The following GNE variants were observed in gnomAD, a reference collection of about 807,000 sequenced individuals.
GNE encodes glucosamine (UDP-N-acetyl)-2-epimerase/N-acetylmannosamine kinase, also known as bifunctional UDP-N-acetylglucosamine 2-epimerase/N-acetylmannosamine kinase.
GNE carries 41 observed loss-of-function variants against 61.8 expected under a neutral mutation model. The observed-to-expected ratio is 0.66, with a 90% CI of 0.52 to 0.86. The LOEUF (loss-of-function observed/expected upper bound fraction) is 0.86, where lower values mean the gene tolerates loss of function less well. Ranked by LOEUF, GNE falls within the 40% of genes least tolerant of loss-of-function variation. The pLI, the probability that GNE is intolerant of heterozygous loss-of-function variation, is 0.00. For synonymous variants in GNE, 264 were observed against 326.4 expected, an observed-to-expected ratio of 0.81 and a Z score of 2.06; for missense variants, 608 against 909.1, an observed-to-expected ratio of 0.67 and a Z score of 4.26.
chr9:36,269,268 C>T lies in GNE; in HGVS notation c.51+7626G>A, dbSNP rs1049192167. On this transcript the variant is annotated intron_variant, in intron 1 of 11. Coordinates refer to the GNE transcript ENST00000396594. ...TTTTTTGTCCCTACTCCTCCTCTTG[C>T]CCCTTAACATGAACACTCTCTTATG... Among the ~76,000 whole-genome samples, 3 of 151,740 alleles carry T rather than the reference C, an allele frequency of 2.0e-5. No homozygotes were observed. In the Admixed American group the frequency reaches 2.0e-4, roughly 10 times the overall value.
At chr9:36,246,556 C>G in intron 2 of GNE, 74 bp from the exon 3 acceptor site, 1 of 904,204 alleles carries the variant, frequency 1.1e-6, no homozygotes, top group Non-Finnish European at 1.8e-6. Context: ...GAAAAGCAAT[C>G]TAACACCAAC....
chr9:36,246,715 C>T lies in GNE; in HGVS notation c.165-233G>A, dbSNP rs1445275828. Among the ~76,000 whole-genome samples the T allele has an allele frequency of 2.2e-5, 3 of 137,452 alleles. No individual in the cohort carries two copies. The East Asian group carries it at 6.6e-4, about 30-fold the overall frequency. The allele number at this position is 137,452 out of a possible 152,430, so 90.2% of individuals were successfully genotyped here. On this transcript the variant is annotated intron_variant, in intron 2 of 11. Transcript: ENST00000642385. ...ATGAAGTCTTGCTCTGTTGCCCAGG[C>T]TGGAGTGCAGTAGCGCGATCTAGGC...
chr9:36,241,948 G>A (rs1417511558), intron 3 of GNE, among the ~76,000 whole-genome samples: 2 of 151,934 alleles, frequency 1.3e-5, no homozygotes, highest in Admixed American at 6.6e-5. Context: ...CGAACTTGGC[G>A]AACATGATGA....
At chr9:36,263,705 G>A (rs1241049851) in intron 1 of GNE, among the ~76,000 whole-genome samples, 2 of 152,196 alleles carry the variant, frequency 1.3e-5, no homozygotes, top group Non-Finnish European at 2.9e-5. Flanking sequence ...TTTTATTGAA[G>A]TGTTAATAAA....
In GNE at chr9:36,257,092, T is replaced by C. The variant is rs551596339; in HGVS notation, c.-43+1229A>G. 1.3e-3 allele frequency among the ~76,000 whole-genome samples: 200 copies of C among 152,162 alleles called. 1 individual carries two copies. The highest frequency in any genetic ancestry group is 4.5e-3 in the African/African-American group (185 of 41,522). ...GGTGGCAGGCGCCTGTAATCCCAGCTACTTGGGAGGCTGAGGCAGGAGAAT... is the reference window on the plus strand; with the variant it reads ...GGTGGCAGGCGCCTGTAATCCCAGCCACTTGGGAGGCTGAGGCAGGAGAAT... On this transcript the variant is annotated intron_variant, in intron 1 of 11. Transcript: ENST00000642385.
At chr9:36,233,229 G>T (rs1489304700) in intron 5 of GNE, among the ~76,000 whole-genome samples, 1 of 152,168 alleles carries the variant, frequency 6.6e-6, no homozygotes, top group Non-Finnish European at 1.5e-5. Flanking sequence ...TACTTAAGGG[G>T]CACTTTACTT....
intron 1 of GNE, among the ~76,000 whole-genome samples, chr9:36,272,479 G>A (rs76093438): frequency 2.4e-3 from 372 of 152,052 alleles, no homozygotes; most frequent in Non-Finnish European, 4.3e-3. Context: ...AAATTATCTG[G>A]GCGTGGTGGC....
At chr9:36,231,631 A>G (rs1177597825) in intron 5 of GNE, among the ~76,000 whole-genome samples, 1 of 152,242 alleles carries the variant, frequency 6.6e-6, no homozygotes, top group African/African-American at 2.4e-5. Context: ...GAGACTTGCA[A>G]GCAATAGCTA....
intron 7 of GNE, 26 bp from the exon 8 acceptor site, chr9:36,223,528 T>A: frequency 6.3e-7 from 1 of 1,584,130 alleles, no homozygotes; most frequent in Non-Finnish European, 8.7e-7. Context: ...ACAAGTTCCG[T>A]CTTACTGGTC....
chr9:36,268,138 C>CA (rs1174077670), intron 1 of GNE, among the ~76,000 whole-genome samples: 32 of 146,300 alleles, frequency 2.2e-4, no homozygotes, highest in African/African-American at 5.0e-4. Flanking sequence ...GACCCCATCT[C>CA]AAAAAAAAAA....
intron 1 of GNE, among the ~76,000 whole-genome samples, chr9:36,256,214 C>A (rs1286662530): frequency 6.8e-6 from 1 of 146,076 alleles, no homozygotes; most frequent in Non-Finnish European, 1.5e-5. Flanking sequence ...CATGAGCCAC[C>A]ATACCCAGCC....
At chr9:36,225,401 G>A (rs889281876) in intron 7 of GNE, among the ~76,000 whole-genome samples, 3 of 152,142 alleles carry the variant, frequency 2.0e-5, no homozygotes, top group Admixed American at 6.6e-5. Context: ...TTGGGAGGTC[G>A]AGGCTGGCAG....
At chr9:36,217,631 C>T in intron 11 of GNE, 31 bp from the exon 12 acceptor site, 6 of 1,397,072 alleles carry the variant, frequency 4.3e-6, no homozygotes, top group Non-Finnish European at 6.1e-6. Flanking sequence ...AAATGAGTTT[C>T]TGAGAGAAGC....
intron 3 of GNE, among the ~76,000 whole-genome samples, chr9:36,241,212 T>G (rs1829618195): frequency 6.6e-6 from 1 of 151,836 alleles, no homozygotes; most frequent in African/African-American, 2.4e-5. Flanking sequence ...ACCTTGTGGG[T>G]TCAAGCAATT....
intron 1 of GNE, among the ~76,000 whole-genome samples, chr9:36,257,739 C>G (rs1830426924): frequency 8.0e-6 from 1 of 124,464 alleles, no homozygotes; most frequent in African/African-American, 3.1e-5. Context: ...GGAGGCGGAG[C>G]TTGCAGTGAG....
chr9:36,224,703 CT>C (rs1023208615), intron 7 of GNE, among the ~76,000 whole-genome samples: 2 of 151,936 alleles, frequency 1.3e-5, no homozygotes, highest in Non-Finnish European at 2.9e-5. Flanking sequence ...AATCCCATCT[CT>C]ATAAAAAATA....
intron 5 of GNE, 34 bp downstream of exon 5, chr9:36,233,885 GC>G (rs753028877): frequency 1.4e-6 from 2 of 1,469,444 alleles, no homozygotes; most frequent in Admixed American, 3.3e-5. Flanking sequence ...TATGTATAAA[GC>G]CTAGTCAGTT....
At chr9:36,232,715 A>G (rs1049057486) in intron 5 of GNE, among the ~76,000 whole-genome samples, 2 of 152,228 alleles carry the variant, frequency 1.3e-5, no homozygotes, top group African/African-American at 4.8e-5. Flanking sequence ...ACCTTGTGTT[A>G]CAGCAGGCAC....
Position 36,223,462 on chromosome 9 carries a change from G to C in GNE, c.1322C>G (p.Thr441Ser). 6.2e-7 allele frequency: 1 copy of C among 1,610,330 alleles called. No individual in the cohort carries two copies. The highest frequency in any genetic ancestry group is 8.5e-7 in the Non-Finnish European group (1 of 1,176,854). ...GATTAAATTAATCCTCTCTTCATAGGTTTTAGGATTGAACTGAGTATACTT... is the reference window on the plus strand; with the variant it reads ...GATTAAATTAATCCTCTCTTCATAGCTTTTAGGATTGAACTGAGTATACTT... ...VKKYTQFNPK[T>S]YEERINLILQ... Residue 441 changes from threonine to serine, a missense_variant, in exon 8 of 12, where the codon ACC becomes AGC. Coordinates refer to ENST00000642385, the MANE Select transcript of GNE (RefSeq NM_005476.7).
Sources: allele counts gnomAD v4.1 joint callset (sites outside exome capture counted in the v4.1 genomes callset), GRCh38; gene constraint gnomAD v4.1.1; transcripts MANE v1.5; gene names NCBI Gene and HGNC (gene_info 2026-07-23, HGNC 2026-07-21).